ACOT7: variants seen among roughly 807,000 people sequenced by gnomAD.
The protein encoded by ACOT7 is cytosolic acyl coenzyme A thioester hydrolase.
A neutral mutation model predicts 40.2 loss-of-function variants in ACOT7; 12 were observed. That is an observed-to-expected ratio of 0.30 (90% CI 0.19 to 0.48). ACOT7 has a LOEUF of 0.48. Ranked by LOEUF, ACOT7 falls within the 20% of genes least tolerant of loss-of-function variation. The probability of loss-of-function intolerance (pLI) is 0.99; values close to 1 mark genes in which losing one functional copy is unlikely to be tolerated. For synonymous variants in ACOT7, 228 were observed against 219.5 expected, an observed-to-expected ratio of 1.04 and a Z score of -0.34; for missense variants, 395 against 530.8, an observed-to-expected ratio of 0.74 and a Z score of 2.51.
At chr1:6,319,327 G>A (rs989284263) in intron 5 of ACOT7, among the ~76,000 whole-genome samples, 6 of 152,106 alleles carry the variant, frequency 3.9e-5, no homozygotes, top group African/African-American at 1.4e-4. Flanking sequence ...CAAGTAGCTG[G>A]GATTACAGGC....
In ACOT7 at chr1:6,358,413, C is replaced by T. The variant is rs2235690; in HGVS notation, c.144-8547G>A. 0.08 allele frequency among the ~76,000 whole-genome samples: 12,251 copies of T among 152,188 alleles called. 833 individuals are homozygous for T. Among genetic ancestry groups the T allele is most frequent in the African/African-American group, 0.18 (7,331 of 41,466 alleles). ...CCCAGGAGGCTCCTTGTGCAGCCCACAGACCCCCCCTCCACCGCAGGTAGG... is the reference window on the plus strand; with the variant it reads ...CCCAGGAGGCTCCTTGTGCAGCCCATAGACCCCCCCTCCACCGCAGGTAGG... On this transcript the variant is annotated intron_variant, in intron 1 of 8. Coordinates refer to ENST00000361521, the MANE Select transcript of ACOT7 (RefSeq NM_007274.4). The surrounding 1 kb of genome is among the most constrained non-coding windows in gnomAD (Gnocchi z 4.1).
In ACOT7 at chr1:6,358,477, C is replaced by G. The variant is rs1571340697; in HGVS notation, c.144-8611G>C. On this transcript the variant is annotated intron_variant, in intron 1 of 8. Coordinates refer to ENST00000361521, the MANE Select transcript of ACOT7 (RefSeq NM_007274.4). This position sits in a 1 kb window ranked among gnomAD's most constrained non-coding sequence, Gnocchi z 4.1. The stretch of plus-strand genomic sequence containing the variant: ...CTGGGAAACCGCAGTGAACCCAGCC[C>G]AGCTGAAGGGAGCAGAGGGAAGCCA... 2.0e-5 allele frequency among the ~76,000 whole-genome samples: 3 copies of G among 152,310 alleles called. No homozygotes were observed. The South Asian group carries it at 6.2e-4, about 32-fold the overall frequency.
At chr1:6,265,799 A>G (rs1472806276) in intron 8 of ACOT7, among the ~76,000 whole-genome samples, 2 of 152,212 alleles carry the variant, frequency 1.3e-5, no homozygotes, top group Non-Finnish European at 2.9e-5. Flanking sequence ...AAAGCCAAAG[A>G]GATGGGGCAG....
chr1:6,324,147 T>C (rs957468097), intron 5 of ACOT7, among the ~76,000 whole-genome samples: 3 of 152,034 alleles, frequency 2.0e-5, no homozygotes, highest in Non-Finnish European at 4.4e-5. Context: ...TGGTCTCAGA[T>C]GAGCCCACCC....
intron 1 of ACOT7, among the ~76,000 whole-genome samples, chr1:6,391,257 G>C (rs1642527711): frequency 6.6e-6 from 1 of 151,646 alleles, no homozygotes; most frequent in South Asian, 2.1e-4. Flanking sequence ...CCAGCACTTT[G>C]GGAGGCCGAG....
rs1186851928 is a variant in ACOT7, at chr1:6,330,342, C to A, written c.511-2929G>T. 6.6e-6 allele frequency among the ~76,000 whole-genome samples: 1 copy of A among 152,074 alleles called. No homozygotes were observed. The highest frequency in any genetic ancestry group is 2.1e-4 in the South Asian group (1 of 4,824). On this transcript the variant is annotated intron_variant, in intron 4 of 8. Transcript: ENST00000361521. The surrounding 1 kb of genome is among the most constrained non-coding windows in gnomAD (Gnocchi z 4.6). ...CTGGGATTCCTAAGCAGGCCTCTGG[C>A]CGGGCCCACCAGTGAAAAACAGGAG...
rs1361092430 is a variant in ACOT7, at chr1:6,369,357, G to A, written c.144-19491C>T. ...TTTTCAATTTACATTGCCCAGATCA[G>A]AAGAACCACTATGGCAGCCAGAGCC... On this transcript the variant is annotated intron_variant, in intron 1 of 8. Coordinates refer to ENST00000361521, the MANE Select transcript of ACOT7 (RefSeq NM_007274.4). 2.0e-5 allele frequency among the ~76,000 whole-genome samples: 3 copies of A among 148,628 alleles called. No individual in the cohort carries two copies. The East Asian group carries it at 6.1e-4, about 30-fold the overall frequency.
intron 1 of ACOT7, among the ~76,000 whole-genome samples, chr1:6,377,808 C>T (rs987524851): frequency 5.9e-5 from 9 of 152,278 alleles, no homozygotes; most frequent in South Asian, 2.1e-4. Flanking sequence ...CGGTGGCTCA[C>T]GCCTGTAATC....
At chr1:6,341,249 C>A (rs1036013812) in intron 2 of ACOT7, among the ~76,000 whole-genome samples, 1 of 151,546 alleles carries the variant, frequency 6.6e-6, no homozygotes, top group Non-Finnish European at 1.5e-5. Flanking sequence ...TCAGGCAATT[C>A]TCCTGCCTCA....
At chr1:6,361,536 C>T (rs1011399965) in intron 1 of ACOT7, among the ~76,000 whole-genome samples, 5 of 152,222 alleles carry the variant, frequency 3.3e-5, no homozygotes, top group African/African-American at 9.6e-5. Context: ...GAGTAGTTCA[C>T]GCCTGTAATC....
rs1185353277 is a variant in ACOT7, at chr1:6,352,347, C to G, written c.144-2481G>C. 6.5e-6 allele frequency: 1 copy of G among 152,690 alleles called. No homozygotes were observed. Among genetic ancestry groups the G allele is most frequent in the Non-Finnish European group, 1.5e-5 (1 of 68,338 alleles). 9.5% of individuals were successfully genotyped at this position (152,690 alleles called of 1,614,324 possible). ...CCACCAGCTGCTCCACACCTGGCCCCTCCCTCTTCCCCTCCCCACCTCCCT... is the reference window on the plus strand; with the variant it reads ...CCACCAGCTGCTCCACACCTGGCCCGTCCCTCTTCCCCTCCCCACCTCCCT... On this transcript the variant is annotated intron_variant, in intron 1 of 8. Transcript: ENST00000361521. This position sits in a 1 kb window ranked among gnomAD's most constrained non-coding sequence, Gnocchi z 4.5.
Position 6,301,911 on chromosome 1 carries a change from G to A in ACOT7, c.713-6931C>T, listed in dbSNP as rs1009033147. ...CCCCAGCAGCCAGCACACACGCACC[G>A]GCCTGGGAAACCACGCAGAGTTTAG... On this transcript the variant is annotated intron_variant, in intron 6 of 8. Coordinates refer to ENST00000361521, the MANE Select transcript of ACOT7 (RefSeq NM_007274.4). This position sits in a 1 kb window ranked among gnomAD's most constrained non-coding sequence, Gnocchi z 4.1. Among the ~76,000 whole-genome samples the A allele has an allele frequency of 6.6e-6, 1 of 151,950 alleles. No homozygotes were observed. The highest frequency in any genetic ancestry group is 2.4e-5 in the African/African-American group (1 of 41,236).
intron 1 of ACOT7, among the ~76,000 whole-genome samples, chr1:6,361,792 G>A (rs187804441): frequency 2.1e-4 from 32 of 152,192 alleles, no homozygotes; most frequent in African/African-American, 7.0e-4. Flanking sequence ...GCAACAGAGC[G>A]GGACTCTGTA....
chr1:6,282,963 T>A lies in ACOT7; in HGVS notation c.830-1677A>T. ...CCTTCCTCACAATGCCCAGCCCACATCCCTCACCAACAATTGTGTATAACA... is the reference window on the plus strand; with the variant it reads ...CCTTCCTCACAATGCCCAGCCCACAACCCTCACCAACAATTGTGTATAACA... On this transcript the variant is annotated intron_variant, in intron 7 of 8. Coordinates refer to ENST00000361521, the MANE Select transcript of ACOT7 (RefSeq NM_007274.4). The surrounding 1 kb of genome is among the most constrained non-coding windows in gnomAD (Gnocchi z 4.5). 2.1e-6 allele frequency: 1 copy of A among 473,756 alleles called. No individual in the cohort carries two copies. Among genetic ancestry groups the A allele is most frequent in the South Asian group, 1.6e-5 (1 of 64,442 alleles). The allele number at this position is 473,756 out of a possible 1,614,324, so 29.3% of individuals were successfully genotyped here. A position where few individuals can be genotyped will look rare whatever the true frequency, so the allele number is the denominator to read the frequency against.
chr1:6,291,788 T>C (rs1639670881), intron 7 of ACOT7, among the ~76,000 whole-genome samples: 1 of 152,150 alleles, frequency 6.6e-6, no homozygotes, highest in African/African-American at 2.4e-5. Flanking sequence ...AAAGTCACGC[T>C]GGAACTGTGA....
chr1:6,321,244 G>A (rs1360019819), intron 5 of ACOT7, among the ~76,000 whole-genome samples: 1 of 152,192 alleles, frequency 6.6e-6, no homozygotes, highest in Non-Finnish European at 1.5e-5. Flanking sequence ...TCTAGGTTTG[G>A]GGAGGTTACT....
chr1:6,365,324 G>C (rs1403431332), intron 1 of ACOT7, among the ~76,000 whole-genome samples: 1 of 152,040 alleles, frequency 6.6e-6, no homozygotes, highest in Non-Finnish European at 1.5e-5. Flanking sequence ...TTACGGGTTT[G>C]GTTCCAGATC....
Position 6,301,733 on chromosome 1 carries a change from A to T in ACOT7, c.713-6753T>A, listed in dbSNP as rs1009703193. Among the ~76,000 whole-genome samples, 2 of 152,226 alleles carry T rather than the reference A, an allele frequency of 1.3e-5. No homozygotes were observed. The highest frequency in any genetic ancestry group is 2.9e-5 in the Non-Finnish European group (2 of 68,028). ...CTTCAGGCAACAATTTGCGTCAAGA[A>T]TTAGTCACAGATGAGGGCAGGAAAA... On this transcript the variant is annotated intron_variant, in intron 6 of 8. Transcript: ENST00000361521. The surrounding 1 kb of genome is among the most constrained non-coding windows in gnomAD (Gnocchi z 4.1).
chr1:6,375,528 G>A (rs1198632384), intron 1 of ACOT7, among the ~76,000 whole-genome samples: 1 of 152,042 alleles, frequency 6.6e-6, no homozygotes, highest in East Asian at 1.9e-4. Flanking sequence ...GCACATGCCT[G>A]CAATCCCTGC....
Sources: allele counts gnomAD v4.1 joint callset (sites outside exome capture counted in the v4.1 genomes callset), GRCh38; gene constraint gnomAD v4.1.1; non-coding constraint Gnocchi (gnomAD v3.1); transcripts MANE v1.5; gene names NCBI Gene and HGNC (gene_info 2026-07-23, HGNC 2026-07-21).